Variants in LNPEP observed in about 807,000 individuals in gnomAD.
LNPEP encodes the protein leucyl and cystinyl aminopeptidase.
A neutral mutation model predicts 120.6 loss-of-function variants in LNPEP; 64 were observed. The observed-to-expected ratio is 0.53, with a 90% CI of 0.43 to 0.65. The LOEUF (loss-of-function observed/expected upper bound fraction) is 0.65, where lower values mean the gene tolerates loss of function less well. Ranked by LOEUF, LNPEP falls within the 30% of genes least tolerant of loss-of-function variation. The probability of loss-of-function intolerance (pLI) is 0.00; values close to 1 mark genes in which losing one functional copy is unlikely to be tolerated. For missense variants in LNPEP, 1,057 were observed against 1,200.0 expected (o/e 0.88, Z 1.76); for synonymous variants, 435 against 425.4 (o/e 1.02, Z -0.28).
At position 96,979,540 on chromosome 5, in the gene LNPEP, G is replaced by T. The variant is rs1379622006; in HGVS notation, c.422G>T (p.Cys141Phe). The T allele has an allele frequency of 2.5e-6, 4 of 1,614,002 alleles. No homozygotes were observed. Among genetic ancestry groups the T allele is most frequent in the Non-Finnish European group, 2.5e-6 (3 of 1,179,942 alleles). The change falls in exon 2 of 18, where the codon TGC becomes TTC. Residue 141 changes from cysteine to phenylalanine, a missense_variant. Physicochemically the swap from Cys to Phe is radical, Grantham distance 205. Coordinates refer to ENST00000231368, the MANE Select transcript of LNPEP (RefSeq NM_005575.3). ...AGATGTACCTTTACCAAAGAAGGCT[G>T]CCATAAAAAAAACCAGTCAATTGGA... ...LPRCTFTKEG[C>F]HKKNQSIGLI...
Position 97,024,463 on chromosome 5 carries a change from C to T in LNPEP, c.2562-58C>T, listed in dbSNP as rs1178564918. On this transcript the variant is annotated intron_variant, in intron 14 of 17. Coordinates refer to ENST00000231368, the MANE Select transcript of LNPEP (RefSeq NM_005575.3). ...AGAAACTCCACCACAGCCAACTCTT[C>T]GCCTTTGTATTCAGAATATTTTCTT... 2.2e-5 allele frequency: 33 copies of T among 1,511,302 alleles called. No individual in the cohort carries two copies. In the East Asian group the frequency reaches 3.4e-4, roughly 16 times the overall value. The allele number at this position is 1,511,302 out of a possible 1,614,324, so 93.6% of individuals were successfully genotyped here.
At chr5:96,948,812 A>G (rs1266579112) in intron 1 of LNPEP, among the ~76,000 whole-genome samples, 1 of 151,874 alleles carries the variant, frequency 6.6e-6, no homozygotes, top group Non-Finnish European at 1.5e-5. Context: ...CTTTTTTTCC[A>G]TTTTGGAGAT....
rs1253881049 is a variant in LNPEP at position 97,034,220 on chromosome 5, G to A, written c.*5687G>A. On this transcript the variant is annotated 3_prime_UTR_variant, in exon 18 of 18. Transcript: ENST00000231368. ...GGATGGGGTGTGCACTTTTAGAAAT[G>A]TATATAAATGTTCTTGCTCCTTTTT... The A allele has an allele frequency of 6.6e-6, 1 of 151,964 alleles. No individual in the cohort carries two copies. 9.4% of individuals were successfully genotyped at this position (151,964 alleles called of 1,614,324 possible).
Position 97,015,049 on chromosome 5 carries a change from ACCT to A in LNPEP, c.2334_2336del (p.Leu779del). 1 of 1,595,930 alleles carries A rather than the reference ACCT, an allele frequency of 6.3e-7. No individual in the cohort carries two copies. The highest frequency in any genetic ancestry group is 8.5e-7 in the Non-Finnish European group (1 of 1,171,946). Reference sequence around the variant, plus strand: ...CTGTTTCAGACAGACCTCATCTATAACCTCCTTGAAAAACTGGGATACATGGAT... The same window carrying A: ...CTGTTTCAGACAGACCTCATCTATAACCTTGAAAAACTGGGATACATGGAT... On this transcript the variant is annotated inframe_deletion, in exon 13 of 18. Transcript: ENST00000231368.
At chr5:97,020,567 C>T in intron 13 of LNPEP, among the ~76,000 whole-genome samples, 1 of 152,138 alleles carries the variant, frequency 6.6e-6, no homozygotes, top group African/African-American at 2.4e-5. Flanking sequence ...CTTTGGGAGG[C>T]CGAGGCAGGT....
At chr5:96,950,805 C>T (rs1462924971) in intron 1 of LNPEP, among the ~76,000 whole-genome samples, 2 of 152,180 alleles carry the variant, frequency 1.3e-5, no homozygotes, top group African/African-American at 2.4e-5. Context: ...ACTATGAATA[C>T]GTTGATTCAC....
intron 9 of LNPEP, among the ~76,000 whole-genome samples, chr5:97,005,075 TTTC>T (rs1392378132): frequency 1.3e-5 from 2 of 152,208 alleles, no homozygotes; most frequent in Non-Finnish European, 2.9e-5. Flanking sequence ...GCAAGCTTAT[TTTC>T]TTCTAATCCT....
intron 1 of LNPEP, among the ~76,000 whole-genome samples, chr5:96,944,560 CTTTTTTTTT>C (rs60017687): frequency 3.4e-4 from 19 of 56,358 alleles, no homozygotes; most frequent in African/African-American, 1.0e-3. Context: ...CTTATTTTTG[CTTTTTTTTT>C]TTTTTTTTTT....
rs568741281 is a variant in LNPEP at position 96,988,484 on chromosome 5, G to C, written c.1131+1814G>C. The stretch of plus-strand genomic sequence containing the variant: ...CTCCTGAGCAGCTGGGATTACAGGT[G>C]CCCTCCACCACGCCCGGCTAATTTT... On this transcript the variant is annotated intron_variant, in intron 4 of 17. Coordinates refer to ENST00000231368, the MANE Select transcript of LNPEP (RefSeq NM_005575.3). Among the ~76,000 whole-genome samples the C allele has an allele frequency of 7.1e-4, 107 of 151,022 alleles. 1 individual carries two copies. Among genetic ancestry groups the C allele is most frequent in the African/African-American group, 2.4e-3 (98 of 41,104 alleles).
Position 96,985,152 on chromosome 5 carries a change from T to A in LNPEP, c.933T>A (p.Phe311Leu), listed in dbSNP as rs1474874772. 5 of 1,613,980 alleles carry A rather than the reference T, an allele frequency of 3.1e-6. No individual in the cohort carries two copies. The highest frequency in any genetic ancestry group is 1.7e-5 in the Admixed American group (1 of 60,004). ...SAFPCFDEPA[F>L]KATFIIKIIR... ...TTCCTTGTTTTGATGAACCAGCATT[T>A]AAAGCCACTTTTATCATCAAGATCA... Residue 311 changes from phenylalanine to leucine, a missense_variant, in exon 3 of 18, where the codon TTT (phenylalanine) becomes TTA (leucine). Coordinates refer to ENST00000231368, the MANE Select transcript of LNPEP (RefSeq NM_005575.3).
At chr5:97,000,836 A>G (rs1790632867) in intron 8 of LNPEP, among the ~76,000 whole-genome samples, 2 of 152,198 alleles carry the variant, frequency 1.3e-5, no homozygotes, top group Admixed American at 6.5e-5. Context: ...TGCATCATCA[A>G]ACCTGGAACT....
At chr5:96,989,886 G>A (rs1790354726) in intron 4 of LNPEP, among the ~76,000 whole-genome samples, 3 of 152,256 alleles carry the variant, frequency 2.0e-5, no homozygotes, top group Admixed American at 6.5e-5. Flanking sequence ...TTCCAGAGAT[G>A]GGAATAAGTG....
chr5:96,985,110 G>C lies in LNPEP; in HGVS notation c.891G>C (p.Leu297=). The change falls in exon 3 of 18, where the codon CTG becomes CTC. Residue 297 remains leucine, a synonymous_variant. Transcript: ENST00000231368. ...TTGCAGCAACTCAGTTTGAACCCCT[G>C]GCAGCAAGATCTGCTTTTCCTTGTT... ...KYFAATQFEP[L]AARSAFPCFD... 6.2e-7 allele frequency: 1 copy of C among 1,613,904 alleles called. No homozygotes were observed. The highest frequency in any genetic ancestry group is 8.5e-7 in the Non-Finnish European group (1 of 1,179,874).
At chr5:96,942,739 G>T (rs559902455) in intron 1 of LNPEP, among the ~76,000 whole-genome samples, 1 of 125,238 alleles carries the variant, frequency 8.0e-6, no homozygotes, top group African/African-American at 2.9e-5. Flanking sequence ...TCGGGGGAGG[G>T]GGGAGGGATA....
At chr5:96,978,478 A>G (rs919007043) in intron 1 of LNPEP, among the ~76,000 whole-genome samples, 5 of 152,222 alleles carry the variant, frequency 3.3e-5, no homozygotes, top group African/African-American at 4.8e-5. Flanking sequence ...AATTTCCCAT[A>G]TAATTTGCTG....
In LNPEP at chr5:97,012,661, C is replaced by A. The variant is rs188561256; in HGVS notation, c.2036-987C>A. On this transcript the variant is annotated intron_variant, in intron 11 of 17. Coordinates refer to ENST00000231368, the MANE Select transcript of LNPEP (RefSeq NM_005575.3). ...TACCCCATTATAATTAAGTCTACAT[C>A]CTTGTTGCCAACTTTAAAAGACATT... Among the ~76,000 whole-genome samples, 4 of 152,238 alleles carry A rather than the reference C, an allele frequency of 2.6e-5. No homozygotes were observed. The East Asian group carries it at 7.7e-4, about 29-fold the overall frequency.
At chr5:97,028,006 T>A (rs886299238) in intron 17 of LNPEP, among the ~76,000 whole-genome samples, 192 bp downstream of exon 17, 1 of 152,138 alleles carries the variant, frequency 6.6e-6, no homozygotes, top group Non-Finnish European at 1.5e-5. Flanking sequence ...GAGGAAAAAA[T>A]CTGATTCCAT....
chr5:97,024,559 G>C lies in LNPEP; in HGVS notation c.2600G>C (p.Gly867Ala), dbSNP rs1411315231. The C allele has an allele frequency of 2.5e-6, 4 of 1,614,048 alleles. No homozygotes were observed. The highest frequency in any genetic ancestry group is 2.5e-6 in the Non-Finnish European group (3 of 1,179,954). ...GTCATGACAACTGTGTTCAAAGTTGGAGCAAAAACTGACAAAGGCTGGTCA... is the reference window on the plus strand; with the variant it reads ...GTCATGACAACTGTGTTCAAAGTTGCAGCAAAAACTGACAAAGGCTGGTCA... ...TDVMTTVFKVGAKTDKGWSFL... is the reference protein window; with the variant it reads ...TDVMTTVFKVAAKTDKGWSFL... The change falls in exon 15 of 18, where the codon GGA becomes GCA. Residue 867 changes from glycine (G) to alanine (A), a missense_variant. Physicochemically the swap from Gly to Ala is moderately conservative, Grantham distance 60. Transcript: ENST00000231368.
At position 96,994,087 on chromosome 5, in the gene LNPEP, A is replaced by G. The variant is rs1474345345; in HGVS notation, c.1407+116A>G. The G allele has an allele frequency of 3.0e-5, 24 of 806,920 alleles. No homozygotes were observed. In the East Asian group the frequency reaches 5.4e-4, roughly 18 times the overall value. The allele number at this position is 806,920 out of a possible 1,614,324, so 50.0% of individuals were successfully genotyped here. On this transcript the variant is annotated intron_variant, in intron 6 of 17. Coordinates refer to ENST00000231368, the MANE Select transcript of LNPEP (RefSeq NM_005575.3). ...TTTTTTTTAAGCATTGCCTTCTTTTATAATAGAAAGATGCTTTTTAAACAC... is the reference window on the plus strand; with the variant it reads ...TTTTTTTTAAGCATTGCCTTCTTTTGTAATAGAAAGATGCTTTTTAAACAC...
Sources: gnomAD v4.1 joint callset for allele counts (sites outside exome capture counted in the v4.1 genomes callset) on GRCh38, gnomAD v4.1.1 for gene constraint, MANE v1.5 for transcripts, NCBI Gene and HGNC (gene_info 2026-07-23, HGNC 2026-07-21) for gene names.